Variants in DIAPH3 observed in about 807,000 individuals in gnomAD.
The protein encoded by DIAPH3 is diaphanous related formin 3.
A neutral mutation model predicts 144.3 loss-of-function variants in DIAPH3; 117 were observed. The ratio of observed to expected loss-of-function variants is 0.81; its 90% CI spans 0.70 to 0.95. DIAPH3 has a LOEUF of 0.95. Ranked by LOEUF, DIAPH3 falls within the 40% of genes least tolerant of loss-of-function variation. The pLI, the probability that DIAPH3 is intolerant of heterozygous loss-of-function variation, is 0.00. For synonymous variants in DIAPH3, 519 were observed against 488.9 expected (o/e 1.06, Z -0.81); for missense variants, 1,421 against 1,412.7 (o/e 1.01, Z -0.09).
chr13:60,037,022 ACT>A (rs933911931), intron 5 of DIAPH3, among the ~76,000 whole-genome samples: 1 of 9,832 alleles, frequency 1.0e-4, no homozygotes, highest in Non-Finnish European at 2.2e-4. Flanking sequence ...CGTAAAAGAA[ACT>A]CTACAACACC....
At chr13:59,884,947 T>C (rs1417858748) in intron 20 of DIAPH3, among the ~76,000 whole-genome samples, 2 of 152,210 alleles carry the variant, frequency 1.3e-5, no homozygotes, top group Non-Finnish European at 2.9e-5. Context: ...TTTTTACATA[T>C]TTCATAGGAG....
At chr13:59,810,952 T>G in intron 24 of DIAPH3, 29 bp from the exon 25 acceptor site, 1 of 1,580,312 alleles carries the variant, frequency 6.3e-7, no homozygotes, top group Non-Finnish European at 8.6e-7. Flanking sequence ...ATGATCAATT[T>G]TAACCAGTGA....
intron 27 of DIAPH3, among the ~76,000 whole-genome samples, chr13:59,755,396 T>C (rs755028381): frequency 1.3e-5 from 2 of 152,082 alleles, no homozygotes; most frequent in African/African-American, 4.8e-5. Context: ...AGATGATACT[T>C]AGTTGGGCAG....
intron 15 of DIAPH3, among the ~76,000 whole-genome samples, chr13:59,973,115 A>C (rs1456947422): frequency 6.6e-6 from 1 of 152,178 alleles, no homozygotes; most frequent in Non-Finnish European, 1.5e-5. Context: ...AAAACAATTT[A>C]GGAGATTCCT....
chr13:60,011,111 AAAAAT>A (rs2053229654), intron 7 of DIAPH3, among the ~76,000 whole-genome samples: 2 of 152,276 alleles, frequency 1.3e-5, no homozygotes, highest in African/African-American at 2.4e-5. Flanking sequence ...GTCTCAAAAA[AAAAAT>A]AAAATAAAAA....
intron 2 of DIAPH3, 44 bp downstream of exon 2, chr13:60,132,913 T>G: frequency 6.6e-7 from 1 of 1,524,190 alleles, no homozygotes; most frequent in Non-Finnish European, 9.1e-7. Flanking sequence ...CGTTATATGG[T>G]TAGTTACAAT....
intron 17 of DIAPH3, among the ~76,000 whole-genome samples, chr13:59,950,649 A>C (rs565210845): frequency 6.6e-6 from 1 of 152,304 alleles, no homozygotes; most frequent in East Asian, 1.9e-4. Context: ...CAAGAAATGA[A>C]GTATATGAGG....
intron 5 of DIAPH3, among the ~76,000 whole-genome samples, chr13:60,022,813 C>T (rs1477886195): frequency 1.3e-5 from 2 of 152,176 alleles, no homozygotes; most frequent in Non-Finnish European, 2.9e-5. Context: ...ACCCTCTATT[C>T]CTACTTTTCT....
In DIAPH3 at chr13:60,119,530, G is replaced by A. The variant is rs558026364; in HGVS notation, c.214-7344C>T. Among the ~76,000 whole-genome samples the A allele has an allele frequency of 3.2e-4, 49 of 151,828 alleles. No individual in the cohort carries two copies. The South Asian group carries it at 1.0e-2, about 31-fold the overall frequency. ...TGGGAGGCCGAGGCGGGTGGATCACGAGGTCAGGAGATCGAGACCATCCCG... is the reference window on the plus strand; with the variant it reads ...TGGGAGGCCGAGGCGGGTGGATCACAAGGTCAGGAGATCGAGACCATCCCG... On this transcript the variant is annotated intron_variant, in intron 2 of 27. Coordinates refer to ENST00000400324, the MANE Select transcript of DIAPH3 (RefSeq NM_001042517.2).
At chr13:60,158,266 T>A (rs1457024906) in intron 1 of DIAPH3, among the ~76,000 whole-genome samples, 1 of 152,220 alleles carries the variant, frequency 6.6e-6, no homozygotes, top group Non-Finnish European at 1.5e-5. Flanking sequence ...TTTTTGTTAG[T>A]TCCTTTTTAC....
At chr13:59,974,302 C>G (rs748632915) in intron 15 of DIAPH3, 50 bp downstream of exon 15, 1 of 1,325,260 alleles carries the variant, frequency 7.5e-7, no homozygotes, top group Non-Finnish European at 1.1e-6. Flanking sequence ...ATAACCTTTG[C>G]TCCCTCACTG....
intron 27 of DIAPH3, among the ~76,000 whole-genome samples, chr13:59,706,049 T>C (rs2034404009): frequency 6.6e-6 from 1 of 152,032 alleles, no homozygotes; most frequent in African/African-American, 2.4e-5. Context: ...AATCCAAAGA[T>C]GCTCTAGTCC....
intron 17 of DIAPH3, among the ~76,000 whole-genome samples, chr13:59,946,288 A>G (rs2048792554): frequency 6.6e-6 from 1 of 152,212 alleles, no homozygotes; most frequent in Admixed American, 6.5e-5. Context: ...ATGGTTAAGT[A>G]AAAACAAATA....
At chr13:59,670,721 T>C (rs1226081050) in intron 27 of DIAPH3, among the ~76,000 whole-genome samples, 2 of 151,954 alleles carry the variant, frequency 1.3e-5, no homozygotes, top group Non-Finnish European at 2.9e-5. Flanking sequence ...TAGCTGGGAC[T>C]ACAGGCGCCC....
intron 25 of DIAPH3, among the ~76,000 whole-genome samples, chr13:59,776,892 G>GT (rs2038443792): frequency 1.3e-5 from 2 of 152,092 alleles, no homozygotes; most frequent in Non-Finnish European, 1.5e-5. Flanking sequence ...TGGATTGGAT[G>GT]TATAGGTATT....
chr13:60,129,244 T>G (rs1253926293), intron 2 of DIAPH3, among the ~76,000 whole-genome samples: 2 of 152,142 alleles, frequency 1.3e-5, no homozygotes, highest in Admixed American at 6.5e-5. Flanking sequence ...CCTCCCAACC[T>G]TTTTGCCTCT....
intron 25 of DIAPH3, among the ~76,000 whole-genome samples, chr13:59,780,403 T>C (rs971475843): frequency 5.9e-5 from 9 of 152,208 alleles, no homozygotes; most frequent in African/African-American, 1.7e-4. Flanking sequence ...GATTTATATT[T>C]ACAGTATTCT....
chr13:59,836,979 C>G (rs756640155), intron 23 of DIAPH3, among the ~76,000 whole-genome samples: 1 of 151,970 alleles, frequency 6.6e-6, no homozygotes, highest in Non-Finnish European at 1.5e-5. Context: ...TATGCAAAAT[C>G]TGACATGTCA....
At chr13:59,825,647 T>C (rs976289625) in intron 24 of DIAPH3, among the ~76,000 whole-genome samples, 10 of 152,228 alleles carry the variant, frequency 6.6e-5, no homozygotes, top group Admixed American at 3.3e-4. Context: ...TTTACAGTCC[T>C]ACCAACAGTG....
Sources: allele counts gnomAD v4.1 joint callset (sites outside exome capture counted in the v4.1 genomes callset), GRCh38; gene constraint gnomAD v4.1.1; transcripts MANE v1.5; gene names NCBI Gene and HGNC (gene_info 2026-07-23, HGNC 2026-07-21).